LINGO2: variants seen among roughly 807,000 people sequenced by gnomAD.
LINGO2 encodes the protein leucine rich repeat and Ig domain containing 2.
LINGO2 carries 14 observed loss-of-function variants against 30.6 expected under a neutral mutation model. The observed-to-expected ratio is 0.46, with a 90% confidence interval of 0.30 to 0.72. LINGO2 has a LOEUF of 0.72. Among genes scored for constraint, LINGO2 ranks in the 30% least tolerant of loss-of-function variants. The probability of loss-of-function intolerance (pLI) is 0.07; values close to 1 mark genes in which losing one functional copy is unlikely to be tolerated. For missense variants in LINGO2, 729 were observed against 751.7 expected (o/e 0.97, Z 0.35); for synonymous variants, 317 against 288.5 (o/e 1.10, Z -1.00).
Position 28,655,432 on chromosome 9 carries a change from T to C in LINGO2, c.-365+14768A>G, listed in dbSNP as rs532855609. Among the ~76,000 whole-genome samples, 3 of 152,036 alleles carry C rather than the reference T, an allele frequency of 2.0e-5. No individual in the cohort carries two copies. The East Asian group carries it at 5.8e-4, about 29-fold the overall frequency. On this transcript the variant is annotated intron_variant, in intron 1 of 5. Transcript: ENST00000379992. ...CCTTGTCTCAGATAAGACTTTCGAG[T>C]TGGACTTTTGAGTTAGCACTGGAAT...
At chr9:28,978,410 T>C in the LINGO2 span, among the ~76,000 whole-genome samples, 8 of 152,262 alleles carry the variant, frequency 5.3e-5, no homozygotes, top group African/African-American at 1.7e-4. Context: ...GGGTATGTTG[T>C]AGCAGTTATT....
chr9:29,079,791 A>G, the LINGO2 span, among the ~76,000 whole-genome samples: 1 of 152,028 alleles, frequency 6.6e-6, no homozygotes, highest in Non-Finnish European at 1.5e-5. Flanking sequence ...AAATAAGAAA[A>G]AAGTTCAGAA....
chr9:28,195,496 T>A (rs957154462), intron 4 of LINGO2, among the ~76,000 whole-genome samples: 2 of 150,634 alleles, frequency 1.3e-5, no homozygotes, highest in African/African-American at 2.4e-5. Context: ...TTTTTCACTC[T>A]GATAAACAAG....
chr9:28,280,075 T>C (rs1341367433), intron 4 of LINGO2, among the ~76,000 whole-genome samples: 1 of 152,128 alleles, frequency 6.6e-6, no homozygotes, highest in Non-Finnish European at 1.5e-5. Context: ...TTCTGACTGA[T>C]TTTTTGAGAG....
the LINGO2 span, among the ~76,000 whole-genome samples, chr9:29,154,422 C>A: frequency 4.9e-4 from 71 of 146,194 alleles, no homozygotes; most frequent in African/African-American, 1.7e-3. Context: ...TGCATTCCAG[C>A]CTGGGCGACA....
chr9:28,062,239 T>C (rs1345818903), intron 4 of LINGO2, among the ~76,000 whole-genome samples: 1 of 152,028 alleles, frequency 6.6e-6, no homozygotes, highest in African/African-American at 2.4e-5. Flanking sequence ...TGCCACAGGA[T>C]TGGTGACTAC....
intron 1 of LINGO2, among the ~76,000 whole-genome samples, chr9:28,511,463 C>T (rs1221255665): frequency 6.6e-6 from 1 of 152,118 alleles, no homozygotes; most frequent in Non-Finnish European, 1.5e-5. Context: ...TAACCTCCAT[C>T]CCTGCCACCA....
At chr9:27,990,956 G>A (rs1821368986) in intron 5 of LINGO2, among the ~76,000 whole-genome samples, 1 of 152,028 alleles carries the variant, frequency 6.6e-6, no homozygotes, top group African/African-American at 2.4e-5. Flanking sequence ...AGAATCTCTG[G>A]TGTAAACAGC....
rs141843350 is a variant in LINGO2, at chr9:28,347,547, T to C, written c.-246+25289A>G. ...ATTCATCCAATATTTAGTGACAGTCTCCTCTGTGCTAGATATCAATTTATT... is the reference window on the plus strand; with the variant it reads ...ATTCATCCAATATTTAGTGACAGTCCCCTCTGTGCTAGATATCAATTTATT... On this transcript the variant is annotated intron_variant, in intron 3 of 5. Transcript: ENST00000379992. Among the ~76,000 whole-genome samples the C allele has an allele frequency of 5.8e-3, 886 of 152,290 alleles. 5 individuals are homozygous for C. The highest frequency in any genetic ancestry group is 8.5e-3 in the Non-Finnish European group (578 of 68,012).
chr9:28,250,071 G>A (rs1462062920), intron 4 of LINGO2, among the ~76,000 whole-genome samples: 2 of 152,028 alleles, frequency 1.3e-5, no homozygotes, highest in African/African-American at 4.8e-5. Context: ...GACACCAAAA[G>A]GACTGAAAAT....
At chr9:28,395,556 T>C (rs944069468) in intron 2 of LINGO2, among the ~76,000 whole-genome samples, 6 of 152,034 alleles carry the variant, frequency 3.9e-5, no homozygotes. Context: ...ATGTCCTTGC[T>C]GCTTAAAGTG....
chr9:29,174,148 G>T, the LINGO2 span, among the ~76,000 whole-genome samples: 56 of 151,888 alleles, frequency 3.7e-4, no homozygotes, highest in African/African-American at 1.3e-3. Context: ...AAAGATACTC[G>T]CTTTCCTGGT....
intron 1 of LINGO2, among the ~76,000 whole-genome samples, chr9:28,502,617 G>A (rs1819935345): frequency 2.0e-5 from 3 of 151,978 alleles, no homozygotes; most frequent in Admixed American, 1.3e-4. Context: ...GGGCATCAAA[G>A]ATAATCTCAC....
chr9:28,502,644 T>C (rs968830199), intron 1 of LINGO2, among the ~76,000 whole-genome samples: 2 of 152,098 alleles, frequency 1.3e-5, no homozygotes, highest in Non-Finnish European at 2.9e-5. Context: ...TTGAATATTA[T>C]AGTGACATTT....
At position 28,103,866 on chromosome 9, in the gene LINGO2, G is replaced by A. The variant is rs954101881; in HGVS notation, c.-86-91461C>T. Among the ~76,000 whole-genome samples, 5 of 152,176 alleles carry A rather than the reference G, an allele frequency of 3.3e-5. No individual in the cohort carries two copies. In the South Asian group the frequency reaches 6.2e-4, roughly 19 times the overall value. Reference sequence around the variant, plus strand: ...AGAGAGTTCATTTAAACTTTAAAAAGTCTTTTTCTTTGCTCTGGAAACAAT... The same window carrying A: ...AGAGAGTTCATTTAAACTTTAAAAAATCTTTTTCTTTGCTCTGGAAACAAT... On this transcript the variant is annotated intron_variant, in intron 4 of 5. Transcript: ENST00000379992.
At chr9:28,578,295 T>A (rs535771772) in intron 1 of LINGO2, among the ~76,000 whole-genome samples, 1 of 151,970 alleles carries the variant, frequency 6.6e-6, no homozygotes, top group South Asian at 2.1e-4. Flanking sequence ...AGGTGGGTAA[T>A]GGGGTGGCAG....
At chr9:28,726,620 C>G in the LINGO2 span, among the ~76,000 whole-genome samples, 83 of 152,146 alleles carry the variant, frequency 5.5e-4, no homozygotes, top group Non-Finnish European at 1.0e-3. Context: ...TTATAAAAAA[C>G]AGCACTAACA....
intron 4 of LINGO2, among the ~76,000 whole-genome samples, chr9:28,040,152 CCTT>C (rs200669671): frequency 3.3e-5 from 5 of 151,712 alleles, no homozygotes; most frequent in South Asian, 2.1e-4. Flanking sequence ...CTAAATTTTG[CCTT>C]CTTTATTTTT....
chr9:28,659,756 G>A (rs1328417768), intron 1 of LINGO2, among the ~76,000 whole-genome samples: 1 of 152,098 alleles, frequency 6.6e-6, no homozygotes, highest in African/African-American at 2.4e-5. Context: ...GCCAATGGCT[G>A]ACTTCTGAAT....
Sources: allele counts gnomAD v4.1 joint callset (sites outside exome capture counted in the v4.1 genomes callset), GRCh38; gene constraint gnomAD v4.1.1; transcripts MANE v1.5; gene names NCBI Gene and HGNC (gene_info 2026-07-23, HGNC 2026-07-21).